GSE1: variants seen among roughly 807,000 people sequenced by gnomAD.
GSE1 encodes genetic suppressor element 1.
A neutral mutation model predicts 112.6 loss-of-function variants in GSE1; 32 were observed. The ratio of observed to expected loss-of-function variants is 0.28; its 90% CI spans 0.21 to 0.38. The LOEUF is 0.38. Among genes scored for constraint, GSE1 ranks in the 10% least tolerant of loss-of-function variants. GSE1 has a pLI of 1.00. For synonymous variants in GSE1, 1,115 were observed against 735.6 expected, an observed-to-expected ratio of 1.52 and a Z score of -8.35; for missense variants, 2,348 against 1,699.2, an observed-to-expected ratio of 1.38 and a Z score of -6.71.
At chr16:85,478,095 G>A (rs1363125291) in intron 2 of GSE1, among the ~76,000 whole-genome samples, 1 of 152,010 alleles carries the variant, frequency 6.6e-6, no homozygotes, top group African/African-American at 2.4e-5. Context: ...TCCCTGTTCT[G>A]GTCATTTCAG....
At chr16:85,357,468 T>C in exon 2 of GSE1, 1 of 1,222,832 alleles carries the variant, frequency 8.2e-7, no homozygotes, top group Non-Finnish European at 1.0e-6. Context: ...TTCAGCCTGT[T>C]TGTGGATCTC....
At chr16:85,426,719 T>C (rs1315046841) in intron 2 of GSE1, among the ~76,000 whole-genome samples, 1 of 151,212 alleles carries the variant, frequency 6.6e-6, no homozygotes, top group Non-Finnish European at 1.5e-5. Flanking sequence ...GATGGATGGA[T>C]GGATGGATGG....
chr16:85,251,955 G>A (rs1340809835), intron 1 of GSE1, among the ~76,000 whole-genome samples: 1 of 152,210 alleles, frequency 6.6e-6, no homozygotes, highest in Non-Finnish European at 1.5e-5. Flanking sequence ...GCCATGAACA[G>A]GTAGGAACTG....
intron 2 of GSE1, among the ~76,000 whole-genome samples, chr16:85,634,955 G>C (rs371885792): frequency 7.9e-5 from 12 of 152,232 alleles, no homozygotes; most frequent in East Asian, 7.7e-4. Flanking sequence ...TGACAGGCGG[G>C]GGGGCTGAGG....
rs530968286 is a variant in GSE1, at chr16:85,265,173, A to C, written c.2284-92290A>C. On this transcript the variant is annotated intron_variant, in intron 1 of 2. Coordinates refer to the GSE1 transcript ENST00000637419. ...TATAATTTTGTTATTCTTAAGGGCA[A>C]ACAAGTAGCAGAATTAGAATGAGGG... Among the ~76,000 whole-genome samples the C allele has an allele frequency of 7.4e-4, 113 of 152,332 alleles. 1 individual carries two copies. Among genetic ancestry groups the C allele is most frequent in the Non-Finnish European group, 7.3e-5 (5 of 68,032 alleles).
intron 2 of GSE1, among the ~76,000 whole-genome samples, chr16:85,369,581 C>A (rs535065507): frequency 1.5e-4 from 23 of 152,234 alleles, no homozygotes; most frequent in African/African-American, 5.5e-4. Flanking sequence ...ACCCTGTGAC[C>A]CCATTAGATG....
intron 14 of GSE1, among the ~76,000 whole-genome samples, chr16:85,670,229 C>G (rs185574350): frequency 6.6e-6 from 1 of 152,184 alleles, no homozygotes; most frequent in Non-Finnish European, 1.5e-5. Flanking sequence ...CCTGCAAATA[C>G]AAGGTTTGGT....
chr16:85,357,733 T>C, intron 2 of GSE1: 1 of 832,656 alleles, frequency 1.2e-6, no homozygotes, highest in Non-Finnish European at 1.7e-6. Context: ...CGAGTTCAGA[T>C]ACAGTTCCGC....
At chr16:85,562,901 C>T (rs547765166) in intron 1 of GSE1, among the ~76,000 whole-genome samples, 1 of 152,354 alleles carries the variant, frequency 6.6e-6, no homozygotes, top group Non-Finnish European at 1.5e-5. Flanking sequence ...GGCAGCCTCT[C>T]CATCAACCAG....
chr16:85,613,989 A>T (rs2048187726), intron 1 of GSE1, among the ~76,000 whole-genome samples: 1 of 142,824 alleles, frequency 7.0e-6, no homozygotes, highest in Admixed American at 6.9e-5. Context: ...CGGGTTTGTG[A>T]CCCCCACGCC....
Position 85,663,157 on chromosome 16 carries a change from C to G in GSE1, c.2373+64C>G, listed in dbSNP as rs919141917. The G allele has an allele frequency of 3.1e-6, 4 of 1,274,816 alleles. No individual in the cohort carries two copies. The African/African-American group carries it at 4.4e-5, about 14-fold the overall frequency. The allele number at this position is 1,274,816 out of a possible 1,614,324, so 79.0% of individuals were successfully genotyped here. A position where few individuals can be genotyped will look rare whatever the true frequency, so the allele number is the denominator to read the frequency against. On this transcript the variant is annotated intron_variant, in intron 10 of 15. Coordinates refer to ENST00000253458, the MANE Select transcript of GSE1 (RefSeq NM_014615.5). ...GGCTCTCGTTCCTAGCGTCCACACC[C>G]TGCAGTCCACCCCACTGTTGCTAGG...
chr16:85,316,014 T>C (rs2045978415), intron 1 of GSE1, among the ~76,000 whole-genome samples: 1 of 152,192 alleles, frequency 6.6e-6, no homozygotes, highest in African/African-American at 2.4e-5. Flanking sequence ...CTCTGGCCGC[T>C]CCTGCGTCAG....
intron 2 of GSE1, among the ~76,000 whole-genome samples, chr16:85,516,904 T>C (rs1024108757): frequency 6.6e-6 from 1 of 151,718 alleles, no homozygotes; most frequent in Non-Finnish European, 1.5e-5. Flanking sequence ...TTCACGCCAT[T>C]CTCCTGCCTC....
intron 2 of GSE1, among the ~76,000 whole-genome samples, chr16:85,502,713 C>T (rs1348997926): frequency 6.6e-6 from 1 of 152,206 alleles, no homozygotes; most frequent in Non-Finnish European, 1.5e-5. Flanking sequence ...AGCCTGGGGT[C>T]AAGTTCAAGG....
chr16:85,577,040 A>G (rs542750807), intron 1 of GSE1, among the ~76,000 whole-genome samples: 25 of 151,286 alleles, frequency 1.7e-4, no homozygotes, highest in Non-Finnish European at 3.2e-4. Context: ...ACCATCCCCA[A>G]GCACCCGGCC....
At chr16:85,342,033 T>C (rs1375922112) in intron 1 of GSE1, among the ~76,000 whole-genome samples, 1 of 152,082 alleles carries the variant, frequency 6.6e-6, no homozygotes, top group African/African-American at 2.4e-5. Context: ...CCACAGGGAC[T>C]TGCAGGTGAG....
intron 1 of GSE1, among the ~76,000 whole-genome samples, chr16:85,253,880 C>G (rs1255354492): frequency 6.6e-6 from 1 of 151,306 alleles, no homozygotes; most frequent in Non-Finnish European, 1.5e-5. Context: ...GGAGGCTGCT[C>G]TGGCAGAGGG....
intron 14 of GSE1, among the ~76,000 whole-genome samples, chr16:85,669,150 A>G (rs971144563): frequency 2.0e-5 from 3 of 152,230 alleles, no homozygotes; most frequent in Non-Finnish European, 4.4e-5. Flanking sequence ...TTTCCCTAGG[A>G]TATTGCACAG....
chr16:85,537,013 G>A (rs761017702), intron 2 of GSE1, among the ~76,000 whole-genome samples: 19 of 152,286 alleles, frequency 1.2e-4, no homozygotes, highest in Middle Eastern at 3.4e-3. Context: ...CCACCCCGAC[G>A]AGTGGGCTGG....
Sources: gnomAD v4.1 joint callset for allele counts (sites outside exome capture counted in the v4.1 genomes callset) on GRCh38, gnomAD v4.1.1 for gene constraint, MANE v1.5 for transcripts, NCBI Gene and HGNC (gene_info 2026-07-23, HGNC 2026-07-21) for gene names.